The following TGFB2 variants were observed in gnomAD, a reference collection of about 807,000 sequenced individuals.
The protein encoded by TGFB2 is transforming growth factor beta 2.
In TGFB2, 13 loss-of-function variants were observed where a neutral mutation model predicts 42.7. The ratio of observed to expected loss-of-function variants is 0.30; its 90% CI spans 0.20 to 0.48. The LOEUF (loss-of-function observed/expected upper bound fraction) is 0.48. Among genes scored for constraint, TGFB2 ranks in the 20% least tolerant of loss-of-function variants. The pLI, the probability that TGFB2 is intolerant of heterozygous loss-of-function variation, is 0.99. For missense variants in TGFB2, 390 were observed against 517.5 expected (o/e 0.75, Z 2.39); for synonymous variants, 193 against 193.6 (o/e 1.00, Z 0.03).
chr1:218,407,864 A>T (rs1658964828), intron 2 of TGFB2, among the ~76,000 whole-genome samples: 1 of 152,186 alleles, frequency 6.6e-6, no homozygotes, highest in African/African-American at 2.4e-5. Context: ...GAATAATAAG[A>T]CAAACTAGGC....
At chr1:218,362,480 C>T (rs1252375285) in intron 1 of TGFB2, among the ~76,000 whole-genome samples, 1 of 152,210 alleles carries the variant, frequency 6.6e-6, no homozygotes, top group Non-Finnish European at 1.5e-5. Context: ...GGCAGGGTTA[C>T]GTCTGCCTCA....
chr1:218,409,400 G>C (rs1031313581), intron 2 of TGFB2, among the ~76,000 whole-genome samples: 3 of 152,092 alleles, frequency 2.0e-5, no homozygotes, highest in Admixed American at 2.0e-4. Context: ...TTCCTGTCTG[G>C]CTTCTGACTT....
chr1:218,430,224 C>G (rs1659762940), intron 2 of TGFB2, among the ~76,000 whole-genome samples: 1 of 151,940 alleles, frequency 6.6e-6, no homozygotes, highest in African/African-American at 2.4e-5. Flanking sequence ...AAAACCCCGT[C>G]TCTACTAAAA....
At chr1:218,406,225 A>G (rs546790621) in intron 2 of TGFB2, among the ~76,000 whole-genome samples, 16 of 150,872 alleles carry the variant, frequency 1.1e-4, no homozygotes, top group Admixed American at 5.9e-4. Flanking sequence ...ACTTTCCTCC[A>G]TTATTTGGAC....
chr1:218,382,011 T>C (rs1028338248), intron 1 of TGFB2, among the ~76,000 whole-genome samples: 1 of 152,208 alleles, frequency 6.6e-6, no homozygotes, highest in Non-Finnish European at 1.5e-5. Context: ...TTTAAGGGGA[T>C]TCCTGCAGGT....
chr1:218,401,120 G>A (rs554708719), intron 1 of TGFB2, among the ~76,000 whole-genome samples: 3 of 152,318 alleles, frequency 2.0e-5, no homozygotes, highest in African/African-American at 7.2e-5. Context: ...CTGTGCCCCT[G>A]TGCTGGCCAC....
intron 1 of TGFB2, among the ~76,000 whole-genome samples, chr1:218,382,473 A>G (rs1250557654): frequency 6.6e-6 from 1 of 152,250 alleles, no homozygotes; most frequent in Non-Finnish European, 1.5e-5. Flanking sequence ...ACGCTTGAGC[A>G]GGACCACTGA....
chr1:218,368,865 A>G (rs1482389679), intron 1 of TGFB2, among the ~76,000 whole-genome samples: 3 of 152,174 alleles, frequency 2.0e-5, no homozygotes, highest in Non-Finnish European at 2.9e-5. Context: ...GGGATAAGTG[A>G]TGTGGGGCCT....
intron 1 of TGFB2, among the ~76,000 whole-genome samples, chr1:218,355,675 G>T (rs1419053996): frequency 6.6e-6 from 1 of 152,188 alleles, no homozygotes. Context: ...GGTTGTAAAG[G>T]ATGATGTGTG....
intron 1 of TGFB2, among the ~76,000 whole-genome samples, chr1:218,348,814 A>G (rs1205461284): frequency 6.6e-6 from 1 of 152,248 alleles, no homozygotes; most frequent in Non-Finnish European, 1.5e-5. Context: ...TAGAACCTGA[A>G]TAACTCATCT....
chr1:218,369,132 G>A (rs1197802942), intron 1 of TGFB2, among the ~76,000 whole-genome samples: 1 of 151,834 alleles, frequency 6.6e-6, no homozygotes, highest in East Asian at 1.9e-4. Context: ...GCATGCATCT[G>A]TAGTCCCAGC....
intron 2 of TGFB2, among the ~76,000 whole-genome samples, chr1:218,424,791 G>A (rs1659566508): frequency 6.6e-6 from 1 of 152,208 alleles, no homozygotes; most frequent in Non-Finnish European, 1.5e-5. Flanking sequence ...GATGTGTTGT[G>A]GCTGCTGCCA....
intron 1 of TGFB2, chr1:218,363,472 C>T (rs1657285236): frequency 6.5e-7 from 1 of 1,535,890 alleles, no homozygotes; most frequent in African/African-American, 1.4e-5. Context: ...TCAAATCCAT[C>T]TTTAGTGTTT....
At chr1:218,373,739 T>A (rs554716487) in intron 1 of TGFB2, among the ~76,000 whole-genome samples, 1 of 152,246 alleles carries the variant, frequency 6.6e-6, no homozygotes, top group African/African-American at 2.4e-5. Flanking sequence ...GATTAAAGAA[T>A]GAGAAGTCTA....
intron 1 of TGFB2, among the ~76,000 whole-genome samples, chr1:218,376,972 C>T (rs1392746651): frequency 6.6e-6 from 1 of 152,138 alleles, no homozygotes; most frequent in Non-Finnish European, 1.5e-5. Context: ...TAGCTCACTG[C>T]AGCCTTGACC....
chr1:218,437,570 G>T, intron 6 of TGFB2, 74 bp downstream of exon 6: 1 of 1,464,374 alleles, frequency 6.8e-7, no homozygotes. Context: ...TTCCAAATGA[G>T]TTGTAATTAA....
Position 218,414,006 on chromosome 1 carries a change from C to T in TGFB2, c.510+8674C>T, listed in dbSNP as rs911509969. 6.6e-5 allele frequency among the ~76,000 whole-genome samples: 10 copies of T among 152,260 alleles called. No individual in the cohort carries two copies. In the South Asian group the frequency reaches 1.9e-3, roughly 28 times the overall value. On this transcript the variant is annotated intron_variant, in intron 2 of 6. Coordinates refer to ENST00000366930, the MANE Select transcript of TGFB2 (RefSeq NM_003238.6). ...GGTAGTGGGGGGAGTGAATCATCAGCTACCTTTACTGGACATTGCATATGT... is the reference window on the plus strand; with the variant it reads ...GGTAGTGGGGGGAGTGAATCATCAGTTACCTTTACTGGACATTGCATATGT...
At chr1:218,350,461 TC>T (rs758051842) in intron 1 of TGFB2, among the ~76,000 whole-genome samples, 3 of 152,152 alleles carry the variant, frequency 2.0e-5, no homozygotes, top group Non-Finnish European at 4.4e-5. Flanking sequence ...ATTCCCAACA[TC>T]AAAGAATTAT....
intron 1 of TGFB2, among the ~76,000 whole-genome samples, chr1:218,399,491 T>G (rs1658641754): frequency 6.6e-6 from 1 of 152,236 alleles, no homozygotes; most frequent in African/African-American, 2.4e-5. Context: ...TCAATTAAAC[T>G]TTTTAATAAA....
Sources: allele counts gnomAD v4.1 joint callset (sites outside exome capture counted in the v4.1 genomes callset), GRCh38; gene constraint gnomAD v4.1.1; transcripts MANE v1.5; gene names NCBI Gene and HGNC (gene_info 2026-07-23, HGNC 2026-07-21).